Variants in RPS6KA5 observed in about 807,000 individuals in gnomAD.
The protein encoded by RPS6KA5 is ribosomal protein S6 kinase A5.
A neutral mutation model predicts 85.5 loss-of-function variants in RPS6KA5; 27 were observed. The ratio of observed to expected loss-of-function variants is 0.32; its 90% CI spans 0.23 to 0.44. The LOEUF is 0.44. RPS6KA5 is among the 20% of genes least tolerant of loss of function. The probability of loss-of-function intolerance (pLI) is 1.00; values close to 1 mark genes in which losing one functional copy is unlikely to be tolerated. For missense variants in RPS6KA5, 811 were observed against 980.9 expected (o/e 0.83, Z 2.31); for synonymous variants, 334 against 348.2 (o/e 0.96, Z 0.46).
intron 9 of RPS6KA5, among the ~76,000 whole-genome samples, chr14:90,902,195 A>T (rs72697519): frequency 0.14 from 21,546 of 150,210 alleles, 1,805 homozygotes; most frequent in East Asian, 0.24. Flanking sequence ...AAAAAAAAAA[A>T]TTTTTTTGGC....
At chr14:90,960,302 A>C (rs1350324461) in intron 3 of RPS6KA5, among the ~76,000 whole-genome samples, 1 of 152,218 alleles carries the variant, frequency 6.6e-6, no homozygotes, top group Non-Finnish European at 1.5e-5. Flanking sequence ...AAGTAAAAAC[A>C]ACTTAGCCAG....
chr14:90,880,002 T>G (rs1334690594), intron 14 of RPS6KA5, among the ~76,000 whole-genome samples: 2 of 152,106 alleles, frequency 1.3e-5, no homozygotes, highest in Non-Finnish European at 2.9e-5. Flanking sequence ...CAGGCTTGTC[T>G]CTTGGCCAGG....
intron 7 of RPS6KA5, among the ~76,000 whole-genome samples, chr14:90,912,084 T>C (rs1464889503): frequency 6.6e-6 from 1 of 152,126 alleles, no homozygotes; most frequent in Non-Finnish European, 1.5e-5. Flanking sequence ...CAAACCTCCT[T>C]TGTCCTCCCC....
chr14:91,035,847 C>CAAAAAAAAAAAAAAAAAA (rs199625173), intron 1 of RPS6KA5, among the ~76,000 whole-genome samples: 5 of 69,896 alleles, frequency 7.2e-5, no homozygotes, highest in African/African-American at 1.3e-4. Flanking sequence ...CCCTCACCTT[C>CAAAAAAAAAAAAAAAAAA]AAAAAAAAAA....
At chr14:90,965,174 G>A (rs528676629) in intron 3 of RPS6KA5, among the ~76,000 whole-genome samples, 199 of 152,036 alleles carry the variant, frequency 1.3e-3, no homozygotes, top group African/African-American at 4.7e-3. Context: ...CAGATCACGA[G>A]GTCAGGTCGA....
chr14:90,871,816 A>G lies in RPS6KA5; in HGVS notation c.*258T>C. ...TCTAGCCCTAATTAAATTTACAGGAACCTTTGCTCTTTCAAGAATAGTCTT... is the reference window on the plus strand; with the variant it reads ...TCTAGCCCTAATTAAATTTACAGGAGCCTTTGCTCTTTCAAGAATAGTCTT... On this transcript the variant is annotated 3_prime_UTR_variant, in exon 17 of 17. Transcript: ENST00000614987. 3.1e-6 allele frequency: 1 copy of G among 323,736 alleles called. No individual in the cohort carries two copies. Among genetic ancestry groups the G allele is most frequent in the Admixed American group, 4.5e-5 (1 of 22,186 alleles). The allele number at this position is 323,736 out of a possible 1,614,324, so 20.1% of individuals were successfully genotyped here. A position where few individuals can be genotyped will look rare whatever the true frequency, so the allele number is the denominator to read the frequency against.
chr14:90,893,829 T>C lies in RPS6KA5; in HGVS notation c.1644+584A>G, dbSNP rs145836258. The C allele has an allele frequency of 1.5e-3, 298 of 201,548 alleles. 2 individuals are homozygous for C. Among genetic ancestry groups the C allele is most frequent in the African/African-American group, 6.6e-3 (279 of 42,416 alleles). 12.5% of individuals were successfully genotyped at this position (201,548 alleles called of 1,614,324 possible). On this transcript the variant is annotated intron_variant, in intron 13 of 16. Coordinates refer to ENST00000614987, the MANE Select transcript of RPS6KA5 (RefSeq NM_004755.4). ...GATCATTCTAAGAGTTAGAACATTC[T>C]TTATTAGCCTTTCATAAGAGGAGAC...
intron 3 of RPS6KA5, among the ~76,000 whole-genome samples, chr14:90,969,369 T>C (rs531721713): frequency 1.1e-4 from 16 of 152,340 alleles, no homozygotes; most frequent in Admixed American, 7.2e-4. Flanking sequence ...AACGTTGAAC[T>C]CAGAAATCTC....
In RPS6KA5 at chr14:90,863,971, C is replaced by T. The variant is rs563383670; in HGVS notation, c.*8103G>A. ...GATAAAAGTTAGAGGTCTTACACTA[C>T]CAGATATGAAGACTTCATAAAAATT... On this transcript the variant is annotated 3_prime_UTR_variant, in exon 17 of 17. Coordinates refer to ENST00000614987, the MANE Select transcript of RPS6KA5 (RefSeq NM_004755.4). The T allele has an allele frequency of 6.6e-6, 1 of 152,286 alleles. No homozygotes were observed. The highest frequency in any genetic ancestry group is 1.9e-4 in the East Asian group (1 of 5,188). The allele number at this position is 152,286 out of a possible 1,614,324, so 9.4% of individuals were successfully genotyped here.
At chr14:90,988,812 C>CAAAA (rs998961091) in intron 2 of RPS6KA5, among the ~76,000 whole-genome samples, 1 of 150,152 alleles carries the variant, frequency 6.7e-6, no homozygotes, top group African/African-American at 2.5e-5. Context: ...GACTCCATCT[C>CAAAA]AAAAAAATAA....
At chr14:90,930,105 C>T (rs1405022190) in intron 5 of RPS6KA5, among the ~76,000 whole-genome samples, 1 of 152,204 alleles carries the variant, frequency 6.6e-6, no homozygotes, top group African/African-American at 2.4e-5. Flanking sequence ...CTCTTGGCCT[C>T]AAGCGATCCT....
chr14:90,919,736 A>G (rs1373525608), intron 7 of RPS6KA5, among the ~76,000 whole-genome samples: 4 of 152,224 alleles, frequency 2.6e-5, no homozygotes, highest in Admixed American at 1.3e-4. Context: ...TCTGAAAGAA[A>G]AGAAGAGAAT....
At chr14:90,903,027 G>C in intron 8 of RPS6KA5, 58 bp from the exon 9 acceptor site, 1 of 1,429,106 alleles carries the variant, frequency 7.0e-7, no homozygotes, top group Non-Finnish European at 9.7e-7. Context: ...TACTTTCTAA[G>C]AATAACAAAG....
rs929051350 is a variant in RPS6KA5 at position 90,852,353 on chromosome 14, T to A, written c.*19721A>T. 3 of 152,066 alleles carry A rather than the reference T, an allele frequency of 2.0e-5. No homozygotes were observed. Among genetic ancestry groups the A allele is most frequent in the African/African-American group, 7.2e-5 (3 of 41,438 alleles). 9.4% of individuals were successfully genotyped at this position (152,066 alleles called of 1,614,324 possible). A position where few individuals can be genotyped will look rare whatever the true frequency, so the allele number is the denominator to read the frequency against. Reference sequence around the variant, plus strand: ...TGCCCGCCTCGGCCTCCCAACACTTTTGTTTAAAAAATGGAAATTTCTTCT... The same window carrying A: ...TGCCCGCCTCGGCCTCCCAACACTTATGTTTAAAAAATGGAAATTTCTTCT... On this transcript the variant is annotated 3_prime_UTR_variant, in exon 17 of 17. Coordinates refer to ENST00000614987, the MANE Select transcript of RPS6KA5 (RefSeq NM_004755.4).
chr14:90,913,723 G>C (rs1368559865), intron 7 of RPS6KA5, among the ~76,000 whole-genome samples: 1 of 152,106 alleles, frequency 6.6e-6, no homozygotes, highest in Non-Finnish European at 1.5e-5. Context: ...ATCATTCCAT[G>C]ATGGCCCTTA....
rs1555354397 is a variant in RPS6KA5 at position 90,869,795 on chromosome 14, C to CT, written c.*2278dup. The CT allele has an allele frequency of 6.6e-6, 1 of 152,142 alleles. No homozygotes were observed. Among genetic ancestry groups the CT allele is most frequent in the Non-Finnish European group, 1.5e-5 (1 of 68,034 alleles). The allele number at this position is 152,142 out of a possible 1,614,324, so 9.4% of individuals were successfully genotyped here. On this transcript the variant is annotated 3_prime_UTR_variant, in exon 17 of 17. Transcript: ENST00000614987. ...CTTCAAACTTGGCATCAAATGCTGTCTTTTTGGTACTTATAAGTAGGGTGT... is the reference window on the plus strand; with the variant it reads ...CTTCAAACTTGGCATCAAATGCTGTCTTTTTTGGTACTTATAAGTAGGGTGT...
At chr14:91,060,233 A>C in intron 1 of RPS6KA5, 99 bp downstream of exon 1, 3 of 944,146 alleles carry the variant, frequency 3.2e-6, no homozygotes, top group Non-Finnish European at 1.3e-6. Context: ...CTCCGCGCCC[A>C]CGGCTGCGGC....
chr14:90,878,375 C>T (rs1159315832), intron 14 of RPS6KA5, among the ~76,000 whole-genome samples: 2 of 152,138 alleles, frequency 1.3e-5, no homozygotes, highest in Admixed American at 1.3e-4. Context: ...CCAGATCCCC[C>T]CTCCCCTTCC....
chr14:91,044,325 G>T (rs2042732636), intron 1 of RPS6KA5, among the ~76,000 whole-genome samples: 1 of 133,052 alleles, frequency 7.5e-6, no homozygotes, highest in East Asian at 2.3e-4. Flanking sequence ...GAGAAAGAGA[G>T]AGAGAAAGAT....
Sources: gnomAD v4.1 joint callset for allele counts (sites outside exome capture counted in the v4.1 genomes callset) on GRCh38, gnomAD v4.1.1 for gene constraint, MANE v1.5 for transcripts, NCBI Gene and HGNC (gene_info 2026-07-23, HGNC 2026-07-21) for gene names.